Variants in ZCCHC14 observed in about 807,000 individuals in gnomAD.
The protein encoded by ZCCHC14 is zinc finger CCHC-type containing 14, also known as zinc finger CCHC domain-containing protein 14.
In ZCCHC14, 16 loss-of-function variants were observed where a neutral mutation model predicts 85.0. That is an observed-to-expected ratio of 0.19 (90% CI 0.13 to 0.29). The LOEUF is 0.29. Among genes scored for constraint, ZCCHC14 ranks in the 10% least tolerant of loss-of-function variants. ZCCHC14 has a pLI of 1.00. For synonymous variants in ZCCHC14, 775 were observed against 630.7 expected, an observed-to-expected ratio of 1.23 and a Z score of -3.43; for missense variants, 1,303 against 1,443.5, an observed-to-expected ratio of 0.90 and a Z score of 1.58.
chr16:87,412,123 G>A lies in ZCCHC14; in HGVS notation c.2598C>T (p.Pro866=). The change falls in exon 12 of 13, where the codon CCC becomes CCT. Residue 866 remains proline, a synonymous_variant. Coordinates refer to ENST00000671377, the MANE Select transcript of ZCCHC14 (RefSeq NM_015144.3). ...CGGAGGACAGCGCCGGGCTGGAGCT[G>A]GGGGCTGGGCAGCTGGGCAACGTGG... ...NMATLPSCPA[P]SSSPALSSVP... The A allele has an allele frequency of 1.2e-6, 2 of 1,613,704 alleles. No homozygotes were observed. The highest frequency in any genetic ancestry group is 1.7e-5 in the Admixed American group (1 of 60,030).
chr16:87,486,076 T>C (rs531454661), intron 1 of ZCCHC14, among the ~76,000 whole-genome samples: 12 of 152,172 alleles, frequency 7.9e-5, no homozygotes, highest in African/African-American at 2.4e-4. Flanking sequence ...ATGAGGCAAA[T>C]GTGAACTAGC....
chr16:87,452,257 G>A (rs914763807), intron 2 of ZCCHC14, among the ~76,000 whole-genome samples: 25 of 152,242 alleles, frequency 1.6e-4, no homozygotes, highest in Admixed American at 1.5e-3. Flanking sequence ...CTAAGCACTC[G>A]AATGCTGGGA....
chr16:87,466,296 C>A (rs1287938925), intron 1 of ZCCHC14, among the ~76,000 whole-genome samples: 1 of 152,254 alleles, frequency 6.6e-6, no homozygotes, highest in Admixed American at 6.5e-5. Context: ...CCTGAAAGCT[C>A]TTCCAAAGAC....
At chr16:87,480,485 A>G (rs1297151713) in intron 1 of ZCCHC14, among the ~76,000 whole-genome samples, 2 of 152,252 alleles carry the variant, frequency 1.3e-5, no homozygotes, top group East Asian at 3.8e-4. Context: ...CTCCAGCTAC[A>G]TAATATATGA....
intron 6 of ZCCHC14, among the ~76,000 whole-genome samples, chr16:87,419,534 C>CT (rs200891849): frequency 0.054 from 8,160 of 152,308 alleles, 381 homozygotes; most frequent in Middle Eastern, 0.13. Flanking sequence ...AACTCCTGAC[C>CT]TCGTGATCCA....
chr16:87,417,332 G>T (rs1368260221), intron 8 of ZCCHC14, 128 bp downstream of exon 8: 2 of 1,387,214 alleles, frequency 1.4e-6, no homozygotes, highest in East Asian at 4.6e-5. Flanking sequence ...TCTCCCTTAA[G>T]AACAGGCGCT....
At chr16:87,454,901 A>G (rs558048148) in intron 2 of ZCCHC14, among the ~76,000 whole-genome samples, 1 of 152,276 alleles carries the variant, frequency 6.6e-6, no homozygotes, top group South Asian at 2.1e-4. Context: ...GCGGCCCCTG[A>G]TCTGTGTCAT....
At chr16:87,462,007 G>A (rs997962790) in intron 1 of ZCCHC14, among the ~76,000 whole-genome samples, 10 of 152,156 alleles carry the variant, frequency 6.6e-5, no homozygotes, top group African/African-American at 2.4e-4. Context: ...GCAGCTCATG[G>A]CTATAATCCC....
rs553671712 is a variant in ZCCHC14 at position 87,408,901 on chromosome 16, G to C, written c.*1379C>G. The C allele has an allele frequency of 6.5e-6, 1 of 152,700 alleles. No individual in the cohort carries two copies. Among genetic ancestry groups the C allele is most frequent in the African/African-American group, 2.4e-5 (1 of 41,560 alleles). 9.5% of individuals were successfully genotyped at this position (152,700 alleles called of 1,614,324 possible). On this transcript the variant is annotated 3_prime_UTR_variant, in exon 13 of 13. Transcript: ENST00000671377. The stretch of plus-strand genomic sequence containing the variant: ...CCCAACTGCAAGATTTTACCAATCA[G>C]TATTTTAACATTGAAGACTTTAGCA...
intron 8 of ZCCHC14, among the ~76,000 whole-genome samples, chr16:87,417,093 T>C (rs1298043539): frequency 2.0e-5 from 3 of 152,232 alleles, no homozygotes; most frequent in Non-Finnish European, 4.4e-5. Context: ...CCTCTAGATC[T>C]GGCCCGCCGC....
At position 87,446,212 on chromosome 16, in the gene ZCCHC14, G is replaced by A. The variant is rs1420925461; in HGVS notation, c.695-13011C>T. Among the ~76,000 whole-genome samples, 7 of 151,512 alleles carry A rather than the reference G, an allele frequency of 4.6e-5. No homozygotes were observed. The South Asian group carries it at 1.0e-3, about 23-fold the overall frequency. ...CTTAAAAAAAAAATTGGCAGGGTGC[G>A]GTGGCTCACGCCTGTAATCCCAGCA... On this transcript the variant is annotated intron_variant, in intron 2 of 12. Transcript: ENST00000671377.
At chr16:87,436,624 C>T (rs1413521790) in intron 2 of ZCCHC14, among the ~76,000 whole-genome samples, 1 of 152,246 alleles carries the variant, frequency 6.6e-6, no homozygotes, top group Non-Finnish European at 1.5e-5. Flanking sequence ...ACATGCCGGG[C>T]TTACGCCTAA....
At chr16:87,476,848 C>T (rs1912027767) in intron 1 of ZCCHC14, among the ~76,000 whole-genome samples, 1 of 151,868 alleles carries the variant, frequency 6.6e-6, no homozygotes, top group Admixed American at 6.6e-5. Flanking sequence ...AAGTGGTGGC[C>T]GGGCGCGGTG....
At chr16:87,411,330 T>G in intron 12 of ZCCHC14, 186 bp downstream of exon 12, 4 of 1,480,184 alleles carry the variant, frequency 2.7e-6, no homozygotes, top group Non-Finnish European at 1.8e-6. Flanking sequence ...TCATGGCCGT[T>G]TTAGACCCAA....
rs756955330 is a variant in ZCCHC14 at position 87,460,136 on chromosome 16, G to A, written c.571-5C>T. ...GGCCTCAGTTCTTGGAGTGATCTGAGGGAACAGAAACAGAATCATCTTATT... is the reference window on the plus strand; with the variant it reads ...GGCCTCAGTTCTTGGAGTGATCTGAAGGAACAGAAACAGAATCATCTTATT... On this transcript the variant is annotated splice_region_variant and splice_polypyrimidine_tract_variant and intron_variant, in intron 1 of 12. Transcript: ENST00000671377. 6.2e-7 allele frequency: 1 copy of A among 1,613,766 alleles called. No individual in the cohort carries two copies. The highest frequency in any genetic ancestry group is 8.5e-7 in the Non-Finnish European group (1 of 1,179,852).
rs968488753 is a variant in ZCCHC14 at position 87,420,811 on chromosome 16, T to C, written c.841-95A>G. On this transcript the variant is annotated intron_variant, in intron 4 of 12. Coordinates refer to ENST00000671377, the MANE Select transcript of ZCCHC14 (RefSeq NM_015144.3). This position sits in a 1 kb window ranked among gnomAD's most constrained non-coding sequence, Gnocchi z 5.0. ...AGGAAAACCTGGGGCAGGTGCTCCA[T>C]GGTGCCGCCTGCTGGTCTGATATGA... is the stretch of plus-strand genomic sequence containing the variant. 6.2e-6 allele frequency: 6 copies of C among 968,720 alleles called. No individual in the cohort carries two copies. The Admixed American group carries it at 1.2e-4, about 20-fold the overall frequency. The allele number at this position is 968,720 out of a possible 1,614,324, so 60.0% of individuals were successfully genotyped here. A position where few individuals can be genotyped will look rare whatever the true frequency, so the allele number is the denominator to read the frequency against.
rs1908676842 is a variant in ZCCHC14, at chr16:87,414,484, A to G, written c.1533T>C (p.Ser511=). 1.2e-6 allele frequency: 2 copies of G among 1,613,244 alleles called. No homozygotes were observed. Among genetic ancestry groups the G allele is most frequent in the Non-Finnish European group, 1.7e-6 (2 of 1,179,862 alleles). The part of the protein sequence containing the change: ...NPSAPPLVTS[S]GVARVPPTSH... The stretch of plus-strand genomic sequence containing the variant: ...TGGTGGGGGGCACTCGAGCCACACC[A>G]CTGCTGGTGACCAGCGGCGGGGCCG... Residue 511 remains serine, a synonymous_variant, in exon 10 of 13, where the codon AGT becomes AGC. Coordinates refer to ENST00000671377, the MANE Select transcript of ZCCHC14 (RefSeq NM_015144.3).
At chr16:87,477,291 C>T (rs775686516) in intron 1 of ZCCHC14, among the ~76,000 whole-genome samples, 26 of 152,202 alleles carry the variant, frequency 1.7e-4, no homozygotes, top group Non-Finnish European at 3.5e-4. Context: ...TGAGGACTAT[C>T]AGTTACACAC....
Position 87,429,853 on chromosome 16 carries a change from C to T in ZCCHC14, c.768+3275G>A, listed in dbSNP as rs546305687. ...AACTCCTGACCTCAGGTGATCCGTCCGCCTTGGGCTCCCAAAGTGCTGGCA... is the reference window on the plus strand; with the variant it reads ...AACTCCTGACCTCAGGTGATCCGTCTGCCTTGGGCTCCCAAAGTGCTGGCA... On this transcript the variant is annotated intron_variant, in intron 3 of 12. Transcript: ENST00000671377. Among the ~76,000 whole-genome samples, 103 of 152,330 alleles carry T rather than the reference C, an allele frequency of 6.8e-4. 1 individual carries two copies. The highest frequency in any genetic ancestry group is 2.3e-3 in the African/African-American group (97 of 41,574).
Sources: gnomAD v4.1 joint callset for allele counts (sites outside exome capture counted in the v4.1 genomes callset) on GRCh38, gnomAD v4.1.1 for gene constraint, Gnocchi (gnomAD v3.1) non-coding constraint, MANE v1.5 for transcripts, NCBI Gene and HGNC (gene_info 2026-07-23, HGNC 2026-07-21) for gene names.